PLEKHA7: variants seen among roughly 807,000 people sequenced by gnomAD.
PLEKHA7 encodes the protein pleckstrin homology domain containing A7.
Under a neutral mutation model 170.0 loss-of-function variants are expected in PLEKHA7, and 104 were observed. The ratio of observed to expected loss-of-function variants is 0.61; its 90% CI spans 0.52 to 0.72. The LOEUF is 0.72. Among genes scored for constraint, PLEKHA7 ranks in the 30% least tolerant of loss-of-function variants. The pLI is 0.00. For missense variants in PLEKHA7, 1,615 were observed against 1,671.7 expected, an observed-to-expected ratio of 0.97 and a Z score of 0.59; for synonymous variants, 648 against 660.8, an observed-to-expected ratio of 0.98 and a Z score of 0.30.
Position 16,817,292 on chromosome 11 carries a change from C to G in PLEKHA7, c.1374G>C (p.Gln458His). The change falls in exon 11 of 27, where the codon CAG becomes CAC. Residue 458 changes from glutamine (Q) to histidine (H), a missense_variant. Physicochemically the swap from Gln to His is conservative, Grantham distance 24. Coordinates refer to ENST00000531066, the MANE Select transcript of PLEKHA7 (RefSeq NM_001329630.2). This position sits in a 1 kb window ranked among gnomAD's most constrained non-coding sequence, Gnocchi z 4.4. ...SLPLDQTLPR[Q>H]GPGQSLSFPE... ...GGAAGGACAGGGATTGGCCAGGACC[C>G]TGGCGAGGAAGCGTCTGGTCCAAGG... The G allele has an allele frequency of 6.2e-7, 1 of 1,612,342 alleles. No individual in the cohort carries two copies. Among genetic ancestry groups the G allele is most frequent in the Non-Finnish European group, 8.5e-7 (1 of 1,179,902 alleles).
At chr11:16,997,877 C>A (rs190219247) in intron 3 of PLEKHA7, among the ~76,000 whole-genome samples, 40 of 152,306 alleles carry the variant, frequency 2.6e-4, no homozygotes, top group African/African-American at 7.0e-4. Context: ...GAGTGTCTTC[C>A]TGAAATAAAC....
intron 3 of PLEKHA7, among the ~76,000 whole-genome samples, chr11:16,982,075 C>T (rs1863463500): frequency 6.6e-6 from 1 of 152,230 alleles, no homozygotes. Flanking sequence ...CCAGAAGGTT[C>T]CCAATGATCT....
chr11:16,816,608 C>A (rs1849774046), intron 11 of PLEKHA7, among the ~76,000 whole-genome samples, 192 bp downstream of exon 11: 1 of 152,210 alleles, frequency 6.6e-6, no homozygotes, highest in Non-Finnish European at 1.5e-5. Context: ...ATAGCACCTA[C>A]CTCACAGGGT....
chr11:16,988,025 T>C (rs1863836965), intron 3 of PLEKHA7, among the ~76,000 whole-genome samples: 1 of 152,224 alleles, frequency 6.6e-6, no homozygotes, highest in African/African-American at 2.4e-5. Flanking sequence ...ACTGCACCTG[T>C]TAATAACCAG....
intron 3 of PLEKHA7, among the ~76,000 whole-genome samples, chr11:16,924,339 C>T (rs1327311241): frequency 6.6e-6 from 1 of 152,174 alleles, no homozygotes; most frequent in Admixed American, 6.5e-5. Context: ...GCCCACAGCC[C>T]CCAGGCCTGA....
chr11:16,835,532 C>A (rs1003441242), intron 9 of PLEKHA7, among the ~76,000 whole-genome samples: 16 of 152,168 alleles, frequency 1.1e-4, no homozygotes, highest in Admixed American at 9.2e-4. Context: ...GAGAAAACAA[C>A]TGAAGATACT....
At chr11:16,934,506 A>C (rs955099062) in intron 3 of PLEKHA7, among the ~76,000 whole-genome samples, 17 of 152,302 alleles carry the variant, frequency 1.1e-4, no homozygotes, top group African/African-American at 3.8e-4. Flanking sequence ...GTAGCTTCCA[A>C]GTCGCTTTTT....
intron 24 of PLEKHA7, among the ~76,000 whole-genome samples, chr11:16,784,596 G>T (rs1362495412): frequency 1.3e-5 from 2 of 152,156 alleles, no homozygotes; most frequent in African/African-American, 4.8e-5. Flanking sequence ...GTGAAACCTT[G>T]CTTGGACTAA....
intron 8 of PLEKHA7, among the ~76,000 whole-genome samples, chr11:16,845,613 C>G (rs912469998): frequency 6.6e-5 from 10 of 152,322 alleles, no homozygotes; most frequent in African/African-American, 1.9e-4. Flanking sequence ...GTGATCCACC[C>G]ACCTTGGCTT....
chr11:16,868,716 G>A (rs1854591642), intron 4 of PLEKHA7, among the ~76,000 whole-genome samples: 1 of 152,190 alleles, frequency 6.6e-6, no homozygotes. Context: ...GTACCTCCAT[G>A]ACATCCAGGA....
intron 10 of PLEKHA7, among the ~76,000 whole-genome samples, chr11:16,821,649 T>A (rs981618245): frequency 6.6e-5 from 10 of 152,180 alleles, no homozygotes; most frequent in Non-Finnish European, 1.0e-4. Flanking sequence ...AAATGGAAAA[T>A]GGAGGAGTTC....
chr11:16,932,278 C>CTT (rs11372688), intron 3 of PLEKHA7, among the ~76,000 whole-genome samples: 2,549 of 139,408 alleles, frequency 0.018, 87 homozygotes, highest in East Asian at 0.13. Flanking sequence ...TTATTCATTC[C>CTT]TTTTTTTTTT....
intron 23 of PLEKHA7, chr11:16,788,836 C>T (rs147264209): frequency 8.9e-6 from 5 of 559,930 alleles, no homozygotes; most frequent in East Asian, 6.0e-5. Context: ...CTCTCCATCG[C>T]GGCTGGGAGG....
At chr11:16,978,141 T>A (rs1301868440) in intron 3 of PLEKHA7, among the ~76,000 whole-genome samples, 1 of 152,146 alleles carries the variant, frequency 6.6e-6, no homozygotes, top group Non-Finnish European at 1.5e-5. Flanking sequence ...TGGAAAGAGG[T>A]CTTTGTTAAC....
intron 3 of PLEKHA7, among the ~76,000 whole-genome samples, chr11:16,969,589 G>A (rs1016681553): frequency 3.9e-5 from 6 of 152,006 alleles, no homozygotes; most frequent in East Asian, 1.9e-4. Flanking sequence ...CTCCCATATC[G>A]TCATGCTGCA....
At chr11:16,882,858 ATTCACACACACAC>A (rs1855808415) in intron 3 of PLEKHA7, among the ~76,000 whole-genome samples, 3 of 116,954 alleles carry the variant, frequency 2.6e-5, no homozygotes, top group Non-Finnish European at 6.2e-5. Context: ...ATATACACAT[ATTCACACACACAC>A]ATACACACAC....
intron 4 of PLEKHA7, among the ~76,000 whole-genome samples, chr11:16,866,712 A>G (rs905578909): frequency 6.6e-6 from 1 of 152,238 alleles, no homozygotes; most frequent in African/African-American, 2.4e-5. Context: ...TTGTTACTAC[A>G]GCAGACACTA....
At chr11:16,806,882 C>T (rs1849029104) in intron 13 of PLEKHA7, among the ~76,000 whole-genome samples, 1 of 152,242 alleles carries the variant, frequency 6.6e-6, no homozygotes, top group Non-Finnish European at 1.5e-5. Flanking sequence ...AAACACAACA[C>T]AAGCTGGTGG....
chr11:16,831,669 T>C (rs539510618), intron 9 of PLEKHA7, among the ~76,000 whole-genome samples: 1 of 152,372 alleles, frequency 6.6e-6, no homozygotes, highest in South Asian at 2.1e-4. Flanking sequence ...CAGCTGGACC[T>C]AGATTCAAGA....
Sources: gnomAD v4.1 joint callset for allele counts (sites outside exome capture counted in the v4.1 genomes callset) on GRCh38, gnomAD v4.1.1 for gene constraint, Gnocchi (gnomAD v3.1) non-coding constraint, MANE v1.5 for transcripts, NCBI Gene and HGNC (gene_info 2026-07-23, HGNC 2026-07-21) for gene names.